Variants in RPS6KC1 observed in about 807,000 individuals in gnomAD.
RPS6KC1 encodes ribosomal protein S6 kinase C1, also known as inactive ribosomal protein S6 kinase delta-1.
A neutral mutation model predicts 103.8 loss-of-function variants in RPS6KC1; 54 were observed. That is an observed-to-expected ratio of 0.52 (90% CI 0.42 to 0.65). The LOEUF is 0.65. Among genes scored for constraint, RPS6KC1 ranks in the 30% least tolerant of loss-of-function variants. The pLI, the probability that RPS6KC1 is intolerant of heterozygous loss-of-function variation, is 0.00. For synonymous variants in RPS6KC1, 439 were observed against 438.7 expected (o/e 1.00, Z -0.01); for missense variants, 1,151 against 1,253.8 (o/e 0.92, Z 1.24).
At chr1:213,581,242 C>T in the RPS6KC1 span, among the ~76,000 whole-genome samples, 2 of 152,004 alleles carry the variant, frequency 1.3e-5, no homozygotes, top group African/African-American at 2.4e-5. Context: ...GAGATGCAGC[C>T]TCGCCGGATC....
At chr1:213,699,171 T>G in the RPS6KC1 span, among the ~76,000 whole-genome samples, 1 of 152,078 alleles carries the variant, frequency 6.6e-6, no homozygotes, top group South Asian at 2.1e-4. Flanking sequence ...CTATTTTTTT[T>G]GTACCCATTA....
At chr1:213,094,266 C>T (rs1432361293) in intron 3 of RPS6KC1, among the ~76,000 whole-genome samples, 1 of 152,062 alleles carries the variant, frequency 6.6e-6, no homozygotes, top group Non-Finnish European at 1.5e-5. Flanking sequence ...TCCCTACTCC[C>T]CATGTTTCTG....
At chr1:213,632,661 C>T in the RPS6KC1 span, among the ~76,000 whole-genome samples, 13 of 152,320 alleles carry the variant, frequency 8.5e-5, no homozygotes, top group Non-Finnish European at 1.5e-4. Context: ...CGCAGCTCCT[C>T]GCCAGCAATG....
intron 12 of RPS6KC1, among the ~76,000 whole-genome samples, chr1:213,255,182 G>A (rs964382199): frequency 1.3e-5 from 2 of 151,808 alleles, no homozygotes; most frequent in African/African-American, 4.8e-5. Context: ...TCCCATGCCT[G>A]TGGTCCTGGG....
chr1:213,816,503 C>G, the RPS6KC1 span, among the ~76,000 whole-genome samples: 1 of 152,178 alleles, frequency 6.6e-6, no homozygotes, highest in African/African-American at 2.4e-5. Flanking sequence ...GCCACACTGA[C>G]TTCTGATTCT....
At chr1:213,413,218 A>C in the RPS6KC1 span, among the ~76,000 whole-genome samples, 3 of 152,228 alleles carry the variant, frequency 2.0e-5, no homozygotes, top group Non-Finnish European at 2.9e-5. Flanking sequence ...AGATCAGGGT[A>C]ATTGAGGTAT....
the RPS6KC1 span, among the ~76,000 whole-genome samples, chr1:213,476,337 C>T: frequency 6.6e-6 from 1 of 152,122 alleles, no homozygotes; most frequent in Non-Finnish European, 1.5e-5. Flanking sequence ...CACAGGTAGT[C>T]GTTGCCATCT....
At chr1:213,152,518 T>C (rs1317485872) in intron 6 of RPS6KC1, among the ~76,000 whole-genome samples, 2 of 126,230 alleles carry the variant, frequency 1.6e-5, no homozygotes, top group Non-Finnish European at 3.3e-5. Flanking sequence ...TCCTCACTTC[T>C]CAGACGGGGC....
At chr1:213,722,165 G>T in the RPS6KC1 span, among the ~76,000 whole-genome samples, 1 of 152,036 alleles carries the variant, frequency 6.6e-6, no homozygotes, top group Non-Finnish European at 1.5e-5. Flanking sequence ...TCACCAGAAG[G>T]CTACATGAGG....
chr1:213,818,009 G>A, the RPS6KC1 span: 1 of 152,218 alleles, frequency 6.6e-6, no homozygotes, highest in East Asian at 1.9e-4. Context: ...TATTGTAATT[G>A]TTTTGGGGCA....
At chr1:213,068,466 A>G (rs992276955) in intron 1 of RPS6KC1, among the ~76,000 whole-genome samples, 4 of 131,266 alleles carry the variant, frequency 3.0e-5, no homozygotes, top group Admixed American at 1.6e-4. Context: ...CTTGGGTGAC[A>G]GAGCAAGACT....
At chr1:213,134,981 C>G (rs1344542842) in intron 6 of RPS6KC1, among the ~76,000 whole-genome samples, 1 of 152,130 alleles carries the variant, frequency 6.6e-6, no homozygotes. Context: ...ATTGGGAAAG[C>G]AGACATTCTT....
chr1:213,266,649 G>A lies in RPS6KC1; in HGVS notation c.3090+3833G>A, dbSNP rs370699548. Among the ~76,000 whole-genome samples the A allele has an allele frequency of 1.9e-3, 286 of 152,290 alleles. 1 individual carries two copies. Among genetic ancestry groups the A allele is most frequent in the Middle Eastern group, 3.4e-3 (1 of 294 alleles). ...TGGCCAGGCATGGTGGCTCATGCCT[G>A]TAATTCCAGCACTTTGGGAGGCCGA... On this transcript the variant is annotated intron_variant, in intron 14 of 14. Coordinates refer to ENST00000366960, the MANE Select transcript of RPS6KC1 (RefSeq NM_012424.6).
At chr1:213,393,951 G>A in the RPS6KC1 span, among the ~76,000 whole-genome samples, 1 of 152,130 alleles carries the variant, frequency 6.6e-6, no homozygotes, top group Non-Finnish European at 1.5e-5. Flanking sequence ...TGAGAAGGGC[G>A]AGGGCATGTG....
the RPS6KC1 span, among the ~76,000 whole-genome samples, chr1:213,728,441 G>A: frequency 1.3e-5 from 2 of 152,140 alleles, no homozygotes; most frequent in African/African-American, 4.8e-5. Flanking sequence ...AAAAATCGAA[G>A]TGACAGCAAG....
chr1:213,600,478 A>G, the RPS6KC1 span, among the ~76,000 whole-genome samples: 4 of 152,182 alleles, frequency 2.6e-5, no homozygotes, highest in African/African-American at 7.2e-5. Context: ...AATCGGGCCT[A>G]TAGGGGGAAT....
rs200446126 is a variant in RPS6KC1, at chr1:213,240,792, C to G, written c.1316C>G (p.Ala439Gly). The change falls in exon 11 of 15, where the codon GCA becomes GGA. Residue 439 changes from alanine to glycine, a missense_variant. Physicochemically the swap from Ala to Gly is moderately conservative, Grantham distance 60. Around this residue, in one of 3 missense-constraint regions of RPS6KC1, gnomAD observed 959 missense variants for 1,006.3 expected, o/e 0.95. Coordinates refer to ENST00000366960, the MANE Select transcript of RPS6KC1 (RefSeq NM_012424.6). ...AAGGAAGTGAAAAAACCTACACTTG[C>G]AAAAGTTCACCTGCAGCAGCCAACT... ...DIKEVKKPTL[A>G]KVHLQQPTSS... 1.9e-6 allele frequency: 3 copies of G among 1,613,852 alleles called. No homozygotes were observed. Among genetic ancestry groups the G allele is most frequent in the African/African-American group, 2.7e-5 (2 of 75,020 alleles).
At chr1:213,563,190 A>G in the RPS6KC1 span, among the ~76,000 whole-genome samples, 1 of 152,102 alleles carries the variant, frequency 6.6e-6, no homozygotes, top group Non-Finnish European at 1.5e-5. Context: ...TATTTTCCTG[A>G]TAAATTGTCC....
At chr1:213,116,293 T>C (rs2083599835) in intron 4 of RPS6KC1, among the ~76,000 whole-genome samples, 1 of 151,054 alleles carries the variant, frequency 6.6e-6, no homozygotes, top group South Asian at 2.1e-4. Context: ...AATTGATCCC[T>C]TTACCATTAT....
Sources: gnomAD v4.1 joint callset for allele counts (sites outside exome capture counted in the v4.1 genomes callset) on GRCh38, gnomAD v4.1.1 for gene constraint, gnomAD v4.1.1 regional missense constraint, MANE v1.5 for transcripts, NCBI Gene and HGNC (gene_info 2026-07-23, HGNC 2026-07-21) for gene names.